Variants in SCHIP1 observed in about 807,000 individuals in gnomAD.
SCHIP1 encodes the protein schwannomin-interacting protein 1.
A neutral mutation model predicts 29.7 loss-of-function variants in SCHIP1; 8 were observed. The ratio of observed to expected loss-of-function variants is 0.27; its 90% CI spans 0.16 to 0.49. The LOEUF is 0.49. Among genes scored for constraint, SCHIP1 ranks in the 20% least tolerant of loss-of-function variants. The probability of loss-of-function intolerance (pLI) is 0.99; values close to 1 mark genes in which losing one functional copy is unlikely to be tolerated. For synonymous variants in SCHIP1, 76 were observed against 94.9 expected, an observed-to-expected ratio of 0.80 and a Z score of 1.16; for missense variants, 193 against 294.6, an observed-to-expected ratio of 0.66 and a Z score of 2.52.
At chr3:159,682,528 GAAATGGTTGGGGTACCTGCT>G in the SCHIP1 span, among the ~76,000 whole-genome samples, 1 of 152,184 alleles carries the variant, frequency 6.6e-6, no homozygotes, top group East Asian at 1.9e-4. Context: ...TACAAAATGG[GAAATGGTTGGGGTACCTGCT>G]AAATCTTTGA....
At chr3:159,468,284 T>TATATATGTCCCC in the SCHIP1 span, among the ~76,000 whole-genome samples, 1 of 152,236 alleles carries the variant, frequency 6.6e-6, no homozygotes, top group South Asian at 2.1e-4. Context: ...GCCCTCAAGG[T>TATATATGTCCCC]ATATATGTCC....
the SCHIP1 span, among the ~76,000 whole-genome samples, chr3:159,645,415 A>G: frequency 6.6e-6 from 1 of 152,158 alleles, no homozygotes; most frequent in East Asian, 1.9e-4. Flanking sequence ...CTTATATCCT[A>G]CAAAAAAGAC....
At chr3:159,473,712 T>C in the SCHIP1 span, among the ~76,000 whole-genome samples, 1 of 125,236 alleles carries the variant, frequency 8.0e-6, no homozygotes, top group Non-Finnish European at 1.8e-5. Flanking sequence ...AAAGAAAAAG[T>C]AAAAGAAAAC....
the SCHIP1 span, among the ~76,000 whole-genome samples, chr3:159,779,714 T>C: frequency 6.6e-6 from 1 of 152,132 alleles, no homozygotes; most frequent in Non-Finnish European, 1.5e-5. Flanking sequence ...TGAATTCTCA[T>C]AGAGCATCTG....
chr3:159,896,872 G>GACTAACACTGATA, exon 7 of SCHIP1: 4 of 1,294,732 alleles, frequency 3.1e-6, no homozygotes, highest in Non-Finnish European at 3.1e-6. Flanking sequence ...AAATATCAGT[G>GACTAACACTGATA]TTAGTCATTG....
the SCHIP1 span, among the ~76,000 whole-genome samples, chr3:159,566,241 G>A: frequency 1.3e-5 from 2 of 152,112 alleles, no homozygotes; most frequent in Non-Finnish European, 2.9e-5. Context: ...TCCTCTCAGT[G>A]CACAAATAAG....
At chr3:159,889,362 T>A (rs1036165065) in intron 5 of SCHIP1, among the ~76,000 whole-genome samples, 2 of 152,136 alleles carry the variant, frequency 1.3e-5, no homozygotes, top group African/African-American at 4.8e-5. Flanking sequence ...GGACTCCAGG[T>A]GGTGGAGTAT....
At chr3:159,794,892 G>A in the SCHIP1 span, among the ~76,000 whole-genome samples, 1 of 152,178 alleles carries the variant, frequency 6.6e-6, no homozygotes, top group Non-Finnish European at 1.5e-5. Context: ...TACTTGTTGG[G>A]ATGATGGGTG....
At chr3:159,692,352 AG>A in the SCHIP1 span, among the ~76,000 whole-genome samples, 1 of 151,870 alleles carries the variant, frequency 6.6e-6, no homozygotes, top group African/African-American at 2.4e-5. Flanking sequence ...CGTCACTTTC[AG>A]GTACACCAAT....
chr3:159,697,991 A>T, the SCHIP1 span, among the ~76,000 whole-genome samples: 8 of 152,246 alleles, frequency 5.3e-5, no homozygotes, highest in African/African-American at 1.9e-4. Context: ...AAAACCAAAA[A>T]TGAGCATCCT....
rs61224003 is a variant in SCHIP1 at position 159,850,542 on chromosome 3, C to CAAA, written c.30+10350_30+10352dup. Among the ~76,000 whole-genome samples, 483 of 104,730 alleles carry CAAA rather than the reference C, an allele frequency of 4.6e-3. 4 individuals are homozygous for CAAA. The highest frequency in any genetic ancestry group is 6.2e-3 in the Non-Finnish European group (308 of 49,396). 68.7% of individuals were successfully genotyped at this position (104,730 alleles called of 152,430 possible). A position where few individuals can be genotyped will look rare whatever the true frequency, so the allele number is the denominator to read the frequency against. ...GCACTCCAGGCTGGAGATTCCATCTCAAAAAAAAAAAAAAAAAAAAAAAAG... is the reference window on the plus strand; with the variant it reads ...GCACTCCAGGCTGGAGATTCCATCTCAAAAAAAAAAAAAAAAAAAAAAAAAAAG... On this transcript the variant is annotated intron_variant, in intron 1 of 6. Coordinates refer to ENST00000445224, the Ensembl canonical transcript of SCHIP1.
the SCHIP1 span, among the ~76,000 whole-genome samples, chr3:159,320,800 T>C: frequency 6.6e-6 from 1 of 151,882 alleles, no homozygotes; most frequent in Non-Finnish European, 1.5e-5. Flanking sequence ...AACAGCTCCC[T>C]TATTTCTCAG....
intron 2 of SCHIP1, among the ~76,000 whole-genome samples, chr3:159,881,752 A>C (rs1271594929): frequency 6.6e-6 from 1 of 152,216 alleles, no homozygotes; most frequent in East Asian, 1.9e-4. Context: ...TTTTTTTAAA[A>C]AGCCATCCAC....
At chr3:159,297,439 A>G in the SCHIP1 span, among the ~76,000 whole-genome samples, 1 of 152,076 alleles carries the variant, frequency 6.6e-6, no homozygotes, top group Admixed American at 6.6e-5. Context: ...GTACTTTAAG[A>G]CAGGCATTGC....
the SCHIP1 span, among the ~76,000 whole-genome samples, chr3:159,451,518 T>C: frequency 1.3e-5 from 2 of 152,234 alleles, no homozygotes; most frequent in Non-Finnish European, 2.9e-5. Context: ...CTTTAACTGA[T>C]CTTTGGTGTA....
At chr3:159,652,740 G>A in the SCHIP1 span, among the ~76,000 whole-genome samples, 5 of 152,182 alleles carry the variant, frequency 3.3e-5, no homozygotes, top group Admixed American at 2.6e-4. Flanking sequence ...ACATAAGAGG[G>A]TGAGGCATTG....
the SCHIP1 span, among the ~76,000 whole-genome samples, chr3:159,513,774 C>T: frequency 6.6e-6 from 1 of 152,192 alleles, no homozygotes; most frequent in African/African-American, 2.4e-5. Context: ...GATGAGATTG[C>T]ATGCCGCCCA....
the SCHIP1 span, among the ~76,000 whole-genome samples, chr3:159,311,514 A>T: frequency 6.6e-6 from 1 of 152,148 alleles, no homozygotes; most frequent in South Asian, 2.1e-4. Flanking sequence ...CAGAATGATT[A>T]TGGCTAATAA....
the SCHIP1 span, among the ~76,000 whole-genome samples, chr3:159,499,702 T>G: frequency 6.6e-6 from 1 of 152,208 alleles, no homozygotes; most frequent in Non-Finnish European, 1.5e-5. Context: ...ATCTAGTGCA[T>G]AGTAATAATC....
Sources: gnomAD v4.1 joint callset for allele counts (sites outside exome capture counted in the v4.1 genomes callset) on GRCh38, gnomAD v4.1.1 for gene constraint, MANE v1.5 for transcripts, NCBI Gene and HGNC (gene_info 2026-07-23, HGNC 2026-07-21) for gene names.